ETV1: variants seen among roughly 807,000 people sequenced by gnomAD.
ETV1 encodes the protein ETS translocation variant 1.
In ETV1, 27 loss-of-function variants were observed where a neutral mutation model predicts 62.3. That is an observed-to-expected ratio of 0.43 (90% CI 0.32 to 0.60). The LOEUF (loss-of-function observed/expected upper bound fraction) is 0.60. ETV1 is among the 20% of genes least tolerant of loss of function. The probability of loss-of-function intolerance (pLI) is 0.06; values close to 1 mark genes in which losing one functional copy is unlikely to be tolerated. For synonymous variants in ETV1, 222 were observed against 199.6 expected (o/e 1.11, Z -0.94); for missense variants, 605 against 605.8 (o/e 1.00, Z 0.01).
rs560231440 is a variant in ETV1, at chr7:13,930,802, T to A, written c.802+700A>T. Among the ~76,000 whole-genome samples, 1,302 of 150,860 alleles carry A rather than the reference T, an allele frequency of 8.6e-3. 15 individuals carry two copies. Among genetic ancestry groups the A allele is most frequent in the African/African-American group, 0.028 (1,131 of 40,984 alleles). On this transcript the variant is annotated intron_variant, in intron 9 of 13. Transcript: ENST00000430479. ...ATCTTTGCCACCAATATATATTTTTTTTTTTTTGAGATTTTTGAGACGGAG... is the reference window on the plus strand; with the variant it reads ...ATCTTTGCCACCAATATATATTTTTATTTTTTTGAGATTTTTGAGACGGAG...
intron 5 of ETV1, among the ~76,000 whole-genome samples, chr7:13,981,514 TAC>T: frequency 8.1e-6 from 1 of 124,046 alleles, no homozygotes; most frequent in African/African-American, 3.0e-5. Context: ...CATACATACA[TAC>T]ATACATACAT....
chr7:13,956,976 G>T (rs1440505316), intron 6 of ETV1, among the ~76,000 whole-genome samples: 1 of 152,024 alleles, frequency 6.6e-6, no homozygotes, highest in Non-Finnish European at 1.5e-5. Flanking sequence ...AAATGAGGAG[G>T]TATATCCAAA....
intron 6 of ETV1, among the ~76,000 whole-genome samples, chr7:13,959,643 C>A (rs1317837007): frequency 6.6e-6 from 1 of 151,884 alleles, no homozygotes; most frequent in Non-Finnish European, 1.5e-5. Context: ...CAGCACTTTG[C>A]AAGGCCGAGG....
chr7:13,921,252 T>A (rs1784815550), intron 9 of ETV1, among the ~76,000 whole-genome samples: 2 of 152,182 alleles, frequency 1.3e-5, no homozygotes, highest in Non-Finnish European at 2.9e-5. Flanking sequence ...AAGTGTTACA[T>A]ATCAAGCACA....
intron 6 of ETV1, among the ~76,000 whole-genome samples, chr7:13,955,151 T>C (rs1789270258): frequency 6.6e-6 from 1 of 152,312 alleles, no homozygotes; most frequent in Non-Finnish European, 1.5e-5. Context: ...TTATAATTTT[T>C]ACCCCAAAAT....
In ETV1 at chr7:13,894,981, A is replaced by T. The variant is rs1781639277; in HGVS notation, c.*885T>A. 1 of 233,032 alleles carries T rather than the reference A, an allele frequency of 4.3e-6. No homozygotes were observed. The highest frequency in any genetic ancestry group is 8.5e-6 in the Non-Finnish European group (1 of 117,746). The allele number at this position is 233,032 out of a possible 1,614,324, so 14.4% of individuals were successfully genotyped here. ...TAAATAATGTATTTATGTACTGAAG[A>T]AAGTGAAAAGGAGACAGATATTTTT... is the stretch of plus-strand genomic sequence containing the variant. On this transcript the variant is annotated 3_prime_UTR_variant, in exon 14 of 14. Transcript: ENST00000430479.
In ETV1 at chr7:13,911,225, G is replaced by A. The variant is rs766624973; in HGVS notation, c.871+14C>T. On this transcript the variant is annotated intron_variant, in intron 10 of 13. Coordinates refer to ENST00000430479, the MANE Select transcript of ETV1 (RefSeq NM_004956.5). Reference sequence around the variant, plus strand: ...AACGGTATTTACACGGAATTTCAGTGGTGGACAACTTAACTTCTGTTCTGC... The same window carrying A: ...AACGGTATTTACACGGAATTTCAGTAGTGGACAACTTAACTTCTGTTCTGC... 142 of 1,594,676 alleles carry A rather than the reference G, an allele frequency of 8.9e-5. No homozygotes were observed. Among genetic ancestry groups the A allele is most frequent in the Non-Finnish European group, 1.2e-4 (137 of 1,162,750 alleles).
rs766774466 is a variant in ETV1, at chr7:13,894,695, A to T, written c.*1171T>A. 2 of 232,540 alleles carry T rather than the reference A, an allele frequency of 8.6e-6. No individual in the cohort carries two copies. The highest frequency in any genetic ancestry group is 1.2e-4 in the East Asian group (2 of 16,350). 14.4% of individuals were successfully genotyped at this position (232,540 alleles called of 1,614,324 possible). A position where few individuals can be genotyped will look rare whatever the true frequency, so the allele number is the denominator to read the frequency against. ...TGAAATGCTATCTGTAGTTAACTGC[A>T]CTGCTTATAAATGGTCATAGTAAAT... On this transcript the variant is annotated 3_prime_UTR_variant, in exon 14 of 14. Transcript: ENST00000430479.
chr7:13,938,472 C>G (rs1051973257), intron 7 of ETV1, among the ~76,000 whole-genome samples: 1 of 135,232 alleles, frequency 7.4e-6, no homozygotes, highest in Admixed American at 6.9e-5. Context: ...TCAGTAGAGA[C>G]AGCCAACTTT....
intron 12 of ETV1, 108 bp downstream of exon 12, chr7:13,906,322 A>G: frequency 1.4e-6 from 1 of 730,634 alleles, no homozygotes; most frequent in Non-Finnish European, 2.0e-6. Flanking sequence ...AAGTTTCCCT[A>G]AAGTCTTGAA....
At chr7:13,934,510 G>C (rs1329810916) in intron 8 of ETV1, among the ~76,000 whole-genome samples, 3 of 152,194 alleles carry the variant, frequency 2.0e-5, no homozygotes, top group East Asian at 3.9e-4. Context: ...TTTTTACAAC[G>C]GTGTCTCAGG....
chr7:13,925,363 T>C (rs1211570880), intron 9 of ETV1, among the ~76,000 whole-genome samples: 3 of 152,190 alleles, frequency 2.0e-5, no homozygotes, highest in African/African-American at 7.2e-5. Context: ...ATGGTAGCAT[T>C]GCAAGCACTG....
intron 6 of ETV1, among the ~76,000 whole-genome samples, chr7:13,968,528 C>T (rs1172756400): frequency 6.6e-6 from 1 of 150,678 alleles, no homozygotes; most frequent in Non-Finnish European, 1.5e-5. Flanking sequence ...GTATTGGCTG[C>T]ACCTGTCCAA....
intron 6 of ETV1, among the ~76,000 whole-genome samples, chr7:13,950,556 G>A (rs1049323812): frequency 2.0e-5 from 3 of 152,156 alleles, no homozygotes; most frequent in African/African-American, 7.2e-5. Flanking sequence ...GTGGCCTTCG[G>A]ATGAATGCTG....
chr7:13,947,398 A>G (rs1211196190), intron 6 of ETV1, among the ~76,000 whole-genome samples: 2 of 151,688 alleles, frequency 1.3e-5, no homozygotes, highest in African/African-American at 4.8e-5. Flanking sequence ...TATACAAAAA[A>G]AAAAAAAAAA....
chr7:13,908,283 G>C (rs1020764717), intron 11 of ETV1, among the ~76,000 whole-genome samples: 1 of 152,110 alleles, frequency 6.6e-6, no homozygotes, highest in African/African-American at 2.4e-5. Flanking sequence ...CTAAATATTA[G>C]TGTGACTTTG....
At chr7:13,987,975 G>C in intron 4 of ETV1, 111 bp downstream of exon 4, 2 of 657,192 alleles carry the variant, frequency 3.0e-6, no homozygotes, top group Non-Finnish European at 5.4e-6. Flanking sequence ...GTTAGATTCA[G>C]TAATTTCAAA....
At position 13,906,437 on chromosome 7, in the gene ETV1, G is replaced by T; in HGVS notation, c.1103C>A (p.Pro368His). The T allele has an allele frequency of 6.3e-7, 1 of 1,596,670 alleles. No individual in the cohort carries two copies. Among genetic ancestry groups the T allele is most frequent in the Non-Finnish European group, 8.5e-7 (1 of 1,172,170 alleles). The change falls in exon 12 of 14, where the codon CCT (proline) becomes CAT (histidine). Residue 368 changes from proline to histidine, a missense_variant. Pro to His is a moderately conservative substitution (Grantham distance 77, BLOSUM62 -2). This residue lies in a region of ETV1 where 100 missense variants were observed against 156.4 expected (regional missense o/e 0.64). Coordinates refer to ENST00000430479, the MANE Select transcript of ETV1 (RefSeq NM_004956.5). Reference protein sequence around the residue: ...GRGMEFKLIEPEEVARRWGIQ... With the variant: ...GRGMEFKLIEHEEVARRWGIQ... ...AAAATCTATTAAACTAACCTCTTCA[G>T]GCTCAATCAGTTTAAATTCCATGCC... is the stretch of plus-strand genomic sequence containing the variant.
chr7:13,961,954 A>G (rs1790215798), intron 6 of ETV1, among the ~76,000 whole-genome samples: 2 of 152,002 alleles, frequency 1.3e-5, no homozygotes, highest in Non-Finnish European at 2.9e-5. Context: ...ACAGTAGATA[A>G]AGCCCACATG....
Sources: gnomAD v4.1 joint callset for allele counts (sites outside exome capture counted in the v4.1 genomes callset) on GRCh38, gnomAD v4.1.1 for gene constraint, gnomAD v4.1.1 regional missense constraint, MANE v1.5 for transcripts, NCBI Gene and HGNC (gene_info 2026-07-23, HGNC 2026-07-21) for gene names.